Variants in C6 observed in about 807,000 individuals in gnomAD.
The protein encoded by C6 is complement C6.
In C6, 101 loss-of-function variants were observed where a neutral mutation model predicts 112.9. That is an observed-to-expected ratio of 0.89 (90% CI 0.76 to 1.06). C6 has a LOEUF of 1.06. Among genes scored for constraint, C6 ranks in the 50% least tolerant of loss-of-function variants. C6 has a pLI of 0.00. For missense variants in C6, 1,202 were observed against 1,104.6 expected, an observed-to-expected ratio of 1.09 and a Z score of -1.25; for synonymous variants, 431 against 384.1, an observed-to-expected ratio of 1.12 and a Z score of -1.43.
At chr5:41,169,247 A>ACTAT (rs1262297901) in intron 9 of C6, among the ~76,000 whole-genome samples, 1 of 152,118 alleles carries the variant, frequency 6.6e-6, no homozygotes, top group African/African-American at 2.4e-5. Context: ...ACTCTAGGAT[A>ACTAT]CTATCTGGCC....
chr5:41,181,475 ATGAGCCTTGT>A lies in C6; in HGVS notation c.801_810del (p.Gln267HisfsTer50). The A allele has an allele frequency of 6.2e-7, 1 of 1,613,808 alleles. No homozygotes were observed. Among genetic ancestry groups the A allele is most frequent in the Non-Finnish European group, 8.5e-7 (1 of 1,179,798 alleles). On this transcript the variant is annotated frameshift_variant, in exon 7 of 18. Transcript: ENST00000337836. LOFTEE classifies it high-confidence loss of function. ...AAAGAGCTCCCCCCCTGACTTGAGA[ATGAGCCTTGT>A]TGATTTTCATTGTGTCCAAGAGAAG...
chr5:41,200,698 C>T (rs940463570), intron 3 of C6, among the ~76,000 whole-genome samples: 12 of 152,076 alleles, frequency 7.9e-5, no homozygotes, highest in Middle Eastern at 3.4e-3. Flanking sequence ...TCACATTGGC[C>T]GATGCCCTTA....
rs549101102 is a variant in C6 at position 41,227,300 on chromosome 5, T to G, written c.-20-24050A>C. The stretch of plus-strand genomic sequence containing the variant: ...AGATCTTTTGCCCATTTTTTAATTG[T>G]TTTTTTTTCTAGCTATTGGATTGTT... On this transcript the variant is annotated intron_variant, in intron 1 of 17. Transcript: ENST00000263413. Among the ~76,000 whole-genome samples the G allele has an allele frequency of 6.5e-4, 84 of 128,938 alleles. 1 individual carries two copies. In the South Asian group the frequency reaches 0.017, roughly 26 times the overall value. 84.6% of individuals were successfully genotyped at this position (128,938 alleles called of 152,430 possible).
chr5:41,188,579 T>C (rs1749963408), intron 5 of C6, among the ~76,000 whole-genome samples: 1 of 152,028 alleles, frequency 6.6e-6, no homozygotes, highest in Non-Finnish European at 1.5e-5. Context: ...TGCAAATGAA[T>C]GAAATTGGGC....
intron 1 of C6, among the ~76,000 whole-genome samples, chr5:41,251,383 C>G (rs1741351690): frequency 6.6e-6 from 1 of 152,084 alleles, no homozygotes; most frequent in Admixed American, 6.6e-5. Flanking sequence ...GTACCAGATG[C>G]AATAGGTTGG....
rs1745456351 is a variant in C6, at chr5:41,142,673, G to A, written c.*152C>T. The A allele has an allele frequency of 4.4e-6, 3 of 687,664 alleles. No individual in the cohort carries two copies. The Admixed American group carries it at 6.2e-5, about 14-fold the overall frequency. 42.6% of individuals were successfully genotyped at this position (687,664 alleles called of 1,614,324 possible). ...AGACATGCCCAAACAGGAGAGTCAG[G>A]GGAGAATAATGATCTCAAACTAACA... On this transcript the variant is annotated 3_prime_UTR_variant, in exon 18 of 18. Transcript: ENST00000337836.
At chr5:41,177,970 C>A (rs939383425) in intron 7 of C6, among the ~76,000 whole-genome samples, 2 of 152,168 alleles carry the variant, frequency 1.3e-5, no homozygotes, top group African/African-American at 4.8e-5. Flanking sequence ...CACTCACTCC[C>A]TGAGTATCTG....
rs1247576341 is a variant in C6 at position 41,201,735 on chromosome 5, T to TTGCTTAGAATGA, written c.144-33_144-22dup. On this transcript the variant is annotated intron_variant, in intron 2 of 17. Coordinates refer to ENST00000337836, the MANE Select transcript of C6 (RefSeq NM_000065.5). ...TTTGTCTGTAACCATGAAGAAGAAG[T>TTGCTTAGAATGA]TGCTTAGAATGAGTGTATTCACCAT... 3 of 1,606,788 alleles carry TTGCTTAGAATGA rather than the reference T, an allele frequency of 1.9e-6. No individual in the cohort carries two copies. The Admixed American group carries it at 5.0e-5, about 27-fold the overall frequency.
intron 6 of C6, among the ~76,000 whole-genome samples, chr5:41,183,214 A>G (rs1267269259): frequency 6.6e-6 from 1 of 152,218 alleles, no homozygotes; most frequent in Non-Finnish European, 1.5e-5. Flanking sequence ...GATCCAATAG[A>G]TGTAAATAAC....
upstream of C6, among the ~76,000 whole-genome samples, chr5:41,215,958 T>C (rs914006633): frequency 3.9e-5 from 6 of 152,110 alleles, no homozygotes; most frequent in African/African-American, 1.4e-4. Context: ...GAGCCAAGGC[T>C]AATGACCCCA....
chr5:41,193,603 T>C (rs891914940), intron 5 of C6, among the ~76,000 whole-genome samples: 4 of 152,146 alleles, frequency 2.6e-5, no homozygotes, highest in African/African-American at 9.7e-5. Flanking sequence ...GATGAATGTG[T>C]CCTTTCAACT....
Position 41,186,072 on chromosome 5 carries a change from CA to C in C6, c.723del (p.Phe241LeufsTer10), listed in dbSNP as rs1013696001. 7 of 1,613,808 alleles carry C rather than the reference CA, an allele frequency of 4.3e-6. No individual in the cohort carries two copies. Among genetic ancestry groups the C allele is most frequent in the Middle Eastern group, 1.6e-4 (1 of 6,082 alleles). On this transcript the variant is annotated frameshift_variant, in exon 6 of 18. Transcript: ENST00000337836. LOFTEE classifies it high-confidence loss of function. ...RVPANLENVG[F>X]EVQTAEDDLK... ...GCCACCATGCTAGGCTGTCATACCT[CA>C]AAGCCGACATTTTCCAGATTGGCCG...
intron 17 of C6, among the ~76,000 whole-genome samples, chr5:41,145,149 G>A (rs183049445): frequency 2.0e-5 from 3 of 152,262 alleles, no homozygotes; most frequent in Admixed American, 2.0e-4. Flanking sequence ...AGTCCTTCAA[G>A]GAATTCTGTT....
intron 10 of C6, 95 bp downstream of exon 10, chr5:41,161,598 C>T (rs971872268): frequency 1.9e-5 from 20 of 1,027,900 alleles, no homozygotes; most frequent in Non-Finnish European, 3.1e-5. Flanking sequence ...CTTTCATTGT[C>T]TGAGAAGAAA....
chr5:41,145,974 C>T (rs1328327109), intron 17 of C6, among the ~76,000 whole-genome samples: 2 of 152,220 alleles, frequency 1.3e-5, no homozygotes, highest in Non-Finnish European at 1.5e-5. Context: ...TCAGTTCTCA[C>T]GCTTCTATAC....
Position 41,159,242 on chromosome 5 carries a change from C to G in C6, c.1696G>C (p.Gly566Arg). Residue 566 changes from glycine (G) to arginine (R), a missense_variant, in exon 12 of 18, where the codon GGA (glycine) becomes CGA (arginine). Gly to Arg is a moderately radical substitution (Grantham distance 125). Coordinates refer to ENST00000337836, the MANE Select transcript of C6 (RefSeq NM_000065.5). ...SPDYKSNAVD[G>R]QWGCWSSWST... ...CAGGAAGACCAACAACCCCACTGTC[C>G]GTCTACTGCATCTGGAACAAAGGAA... 6.2e-7 allele frequency: 1 copy of G among 1,613,086 alleles called. No homozygotes were observed. Among genetic ancestry groups the G allele is most frequent in the Non-Finnish European group, 8.5e-7 (1 of 1,179,548 alleles).
chr5:41,146,688 A>G (rs1229387122), intron 17 of C6, among the ~76,000 whole-genome samples: 2 of 152,192 alleles, frequency 1.3e-5, no homozygotes, highest in Non-Finnish European at 2.9e-5. Flanking sequence ...TTCTATTAAG[A>G]AGTGTTCATG....
intron 17 of C6, among the ~76,000 whole-genome samples, chr5:41,145,219 T>C (rs1745705227): frequency 6.6e-6 from 1 of 152,194 alleles, no homozygotes; most frequent in Non-Finnish European, 1.5e-5. Flanking sequence ...AAGCAGATCT[T>C]TTATTTAGCT....
intron 1 of C6, chr5:41,213,110 T>C (rs189426384): frequency 6.6e-6 from 1 of 152,478 alleles, no homozygotes; most frequent in Admixed American, 6.5e-5. Context: ...TGACTGACCT[T>C]GGCTAAAGAG....
Sources: gnomAD v4.1 joint callset for allele counts (sites outside exome capture counted in the v4.1 genomes callset) on GRCh38, gnomAD v4.1.1 for gene constraint, MANE v1.5 for transcripts, NCBI Gene and HGNC (gene_info 2026-07-23, HGNC 2026-07-21) for gene names.